The following HERC6 variants were observed in gnomAD, a reference collection of about 807,000 sequenced individuals.
HERC6 encodes the protein probable E3 ubiquitin-protein ligase HERC6.
In HERC6, 101 loss-of-function variants were observed where a neutral mutation model predicts 114.5. The observed-to-expected ratio is 0.88, with a 90% CI of 0.75 to 1.04. The LOEUF is 1.04. Ranked by LOEUF, HERC6 falls within the 50% of genes least tolerant of loss-of-function variation. The probability of loss-of-function intolerance (pLI) is 0.00; values close to 1 mark genes in which losing one functional copy is unlikely to be tolerated. For missense variants in HERC6, 1,133 were observed against 1,230.9 expected, an observed-to-expected ratio of 0.92 and a Z score of 1.19; for synonymous variants, 408 against 436.2, an observed-to-expected ratio of 0.94 and a Z score of 0.81.
intron 5 of HERC6, among the ~76,000 whole-genome samples, 171 bp downstream of exon 5, chr4:88,393,753 G>C (rs1201781777): frequency 3.3e-5 from 5 of 152,172 alleles, no homozygotes; most frequent in Non-Finnish European, 5.9e-5. Context: ...CATAGTTCTG[G>C]AGGCTGGGAA....
intron 12 of HERC6, among the ~76,000 whole-genome samples, chr4:88,414,111 A>T (rs1736289024): frequency 6.6e-6 from 1 of 152,148 alleles, no homozygotes; most frequent in Non-Finnish European, 1.5e-5. Flanking sequence ...AAGGGCCTTT[A>T]ACTTAAAATA....
chr4:88,429,662 G>A (rs1334717061), intron 16 of HERC6, among the ~76,000 whole-genome samples: 1 of 152,222 alleles, frequency 6.6e-6, no homozygotes, highest in Non-Finnish European at 1.5e-5. Context: ...TCAGCCATGA[G>A]AGGAAGAGTT....
chr4:88,386,063 A>G (rs1734558745), intron 3 of HERC6, among the ~76,000 whole-genome samples: 1 of 151,832 alleles, frequency 6.6e-6, no homozygotes, highest in Non-Finnish European at 1.5e-5. Context: ...CCTCAATCCA[A>G]ATTTCTCAAT....
chr4:88,406,527 G>A (rs1201874382), intron 10 of HERC6, among the ~76,000 whole-genome samples: 2 of 152,132 alleles, frequency 1.3e-5, no homozygotes, highest in Non-Finnish European at 2.9e-5. Flanking sequence ...ACTGCATGTG[G>A]GAAAATCTTT....
At position 88,408,850 on chromosome 4, in the gene HERC6, A is replaced by G. The variant is rs866481192; in HGVS notation, c.1368+233A>G. On this transcript the variant is annotated intron_variant, in intron 11 of 22. Coordinates refer to ENST00000264346, the MANE Select transcript of HERC6 (RefSeq NM_017912.4). Reference sequence around the variant, plus strand: ...CAGAATTATTACTCAAATCAATCTCATGAAGGCTCAGGCTCACAGCTTAGG... The same window carrying G: ...CAGAATTATTACTCAAATCAATCTCGTGAAGGCTCAGGCTCACAGCTTAGG... 5.9e-5 allele frequency among the ~76,000 whole-genome samples: 9 copies of G among 152,290 alleles called. No individual in the cohort carries two copies. The South Asian group carries it at 1.2e-3, about 21-fold the overall frequency.
chr4:88,408,480 T>C, intron 10 of HERC6, 44 bp from the exon 11 acceptor site: 1 of 1,209,046 alleles, frequency 8.3e-7, no homozygotes, highest in Non-Finnish European at 1.2e-6. Context: ...GAAATATCCC[T>C]TTCCTTATGT....
rs189608951 is a variant in HERC6, at chr4:88,426,075, C to T, written c.1935+1373C>T. 2.6e-4 allele frequency among the ~76,000 whole-genome samples: 39 copies of T among 152,218 alleles called. No individual in the cohort carries two copies. The East Asian group carries it at 4.6e-3, about 18-fold the overall frequency. On this transcript the variant is annotated intron_variant, in intron 15 of 22. Transcript: ENST00000264346. ...CAATGTGCCATGCCCCATAAATCCA[C>T]GAATTCCAGGTTTATTTATAATAAG...
chr4:88,402,169 G>T (rs1223533444), intron 8 of HERC6, among the ~76,000 whole-genome samples: 2 of 152,126 alleles, frequency 1.3e-5, no homozygotes, highest in African/African-American at 4.8e-5. Flanking sequence ...AGGTGAATCT[G>T]TAAGATGGTG....
In HERC6 at chr4:88,443,026, C is replaced by G. The variant is rs1553920025; in HGVS notation, c.*566C>G. Reference sequence around the variant, plus strand: ...GCCACTTGCTCTAGCCCACTCCCACCCTGTGGAATGTACTTTCACTTTTGC... The same window carrying G: ...GCCACTTGCTCTAGCCCACTCCCACGCTGTGGAATGTACTTTCACTTTTGC... On this transcript the variant is annotated 3_prime_UTR_variant, in exon 23 of 23. Transcript: ENST00000264346. 1 of 156,590 alleles carries G rather than the reference C, an allele frequency of 6.4e-6. No homozygotes were observed. Among genetic ancestry groups the G allele is most frequent in the Non-Finnish European group, 1.4e-5 (1 of 70,514 alleles). 9.7% of individuals were successfully genotyped at this position (156,590 alleles called of 1,614,324 possible). A position where few individuals can be genotyped will look rare whatever the true frequency, so the allele number is the denominator to read the frequency against.
At chr4:88,380,298 AAT>A (rs1230590567) in intron 1 of HERC6, among the ~76,000 whole-genome samples, 617 of 17,650 alleles carry the variant, frequency 0.035, 55 homozygotes, top group African/African-American at 0.11. Context: ...ATAATATATA[AAT>A]ATATATATAA....
chr4:88,417,381 T>C, intron 12 of HERC6, 44 bp from the exon 13 acceptor site: 3 of 1,562,270 alleles, frequency 1.9e-6, no homozygotes, highest in Non-Finnish European at 2.6e-6. Flanking sequence ...ATTTGGGGGG[T>C]GGTAGGAAAA....
intron 3 of HERC6, 125 bp from the exon 4 acceptor site, chr4:88,390,527 T>C (rs1372003832): frequency 1.2e-6 from 1 of 854,418 alleles, no homozygotes; most frequent in South Asian, 1.9e-5. Flanking sequence ...CTTAAATAGA[T>C]GAAATTTTTA....
At chr4:88,428,464 T>C in intron 15 of HERC6, 116 bp from the exon 16 acceptor site, 2 of 679,324 alleles carry the variant, frequency 2.9e-6, no homozygotes, top group Non-Finnish European at 4.6e-6. Flanking sequence ...TGAATGTTTA[T>C]AGCAATGGCA....
intron 10 of HERC6, among the ~76,000 whole-genome samples, chr4:88,406,522 A>C: frequency 6.6e-6 from 1 of 152,230 alleles, no homozygotes; most frequent in East Asian, 1.9e-4. Context: ...TTCTTACTGC[A>C]TGTGGGAAAA....
At chr4:88,421,922 A>G (rs1436305874) in intron 13 of HERC6, among the ~76,000 whole-genome samples, 1 of 152,136 alleles carries the variant, frequency 6.6e-6, no homozygotes, top group African/African-American at 2.4e-5. Flanking sequence ...AGAAATGTTT[A>G]TTTAGGTCTT....
intron 10 of HERC6, 65 bp from the exon 11 acceptor site, chr4:88,408,459 T>C (rs1055857673): frequency 2.0e-6 from 2 of 1,011,492 alleles, no homozygotes; most frequent in Non-Finnish European, 3.0e-6. Context: ...ACAAATGACA[T>C]ACAAACTTTA....
intron 22 of HERC6, among the ~76,000 whole-genome samples, chr4:88,441,026 T>C (rs191724579): frequency 2.6e-3 from 391 of 152,264 alleles, no homozygotes; most frequent in Admixed American, 4.2e-3. Context: ...ACCAGCATTC[T>C]TTCTCTTACT....
At chr4:88,390,563 C>A in intron 3 of HERC6, 89 bp from the exon 4 acceptor site, 1 of 1,208,374 alleles carries the variant, frequency 8.3e-7, no homozygotes, top group South Asian at 1.7e-5. Flanking sequence ...TCATTAAAGC[C>A]ACAAAAAAGA....
Position 88,428,735 on chromosome 4 carries a change from C to T in HERC6, c.2091C>T (p.Phe697=). 1 of 1,573,762 alleles carries T rather than the reference C, an allele frequency of 6.4e-7. No individual in the cohort carries two copies. The highest frequency in any genetic ancestry group is 1.9e-5 in the Admixed American group (1 of 51,640). ...TAAGTCAAGCTGAAGCTACTGACTTCTGCAAAGTATTAGTGGTACAGTAAA... is the reference window on the plus strand; with the variant it reads ...TAAGTCAAGCTGAAGCTACTGACTTTTGCAAAGTATTAGTGGTACAGTAAA... ...RQLSQAEATD[F]CKVLVVEFIN... is the part of the protein sequence containing the mutation. Residue 697 remains phenylalanine (F), a synonymous_variant, in exon 16 of 23, where the codon TTC becomes TTT. Transcript: ENST00000264346.
Sources: allele counts gnomAD v4.1 joint callset (sites outside exome capture counted in the v4.1 genomes callset), GRCh38; gene constraint gnomAD v4.1.1; transcripts MANE v1.5; gene names NCBI Gene and HGNC (gene_info 2026-07-23, HGNC 2026-07-21).